Variants in MSL2 observed in about 807,000 individuals in gnomAD.
MSL2 encodes the protein MSL complex subunit 2, also known as E3 ubiquitin-protein ligase MSL2.
In MSL2, 2 loss-of-function variants were observed where a neutral mutation model predicts 35.8. The observed-to-expected ratio is 0.06, with a 90% confidence interval of 0.02 to 0.18. The LOEUF is 0.18. Ranked by LOEUF, MSL2 falls within the 10% of genes least tolerant of loss-of-function variation. The pLI is 1.00. For synonymous variants in MSL2, 296 were observed against 255.7 expected, an observed-to-expected ratio of 1.16 and a Z score of -1.50; for missense variants, 523 against 706.7, an observed-to-expected ratio of 0.74 and a Z score of 2.95.
chr3:136,168,734 T>A (rs765132519), intron 1 of MSL2, among the ~76,000 whole-genome samples: 8 of 151,710 alleles, frequency 5.3e-5, no homozygotes, highest in Non-Finnish European at 1.0e-4. Flanking sequence ...TGCACATGTA[T>A]CCCAGAACTT....
intron 1 of MSL2, among the ~76,000 whole-genome samples, chr3:136,185,879 A>C (rs1026378061): frequency 2.6e-5 from 4 of 151,924 alleles, no homozygotes; most frequent in African/African-American, 9.7e-5. Flanking sequence ...AGGCTTTCTG[A>C]ATTATTCCAG....
chr3:136,176,166 T>C (rs1042210140), intron 1 of MSL2, among the ~76,000 whole-genome samples: 14 of 152,208 alleles, frequency 9.2e-5, no homozygotes, highest in African/African-American at 3.4e-4. Flanking sequence ...CTATATTCTT[T>C]GCCCAATATA....
At chr3:136,193,465 A>AC (rs1940746931) in intron 1 of MSL2, among the ~76,000 whole-genome samples, 1 of 151,508 alleles carries the variant, frequency 6.6e-6, no homozygotes, top group African/African-American at 2.4e-5. Flanking sequence ...CCCCTACCTC[A>AC]CCATAGTAGC....
At chr3:136,172,461 T>A (rs1000350189) in intron 1 of MSL2, among the ~76,000 whole-genome samples, 2 of 152,132 alleles carry the variant, frequency 1.3e-5, no homozygotes, top group African/African-American at 2.4e-5. Context: ...CCCATCCAGT[T>A]ATTCCCTATG....
chr3:136,162,896 G>A (rs892057251), intron 1 of MSL2, among the ~76,000 whole-genome samples: 5 of 150,904 alleles, frequency 3.3e-5, no homozygotes, highest in African/African-American at 1.2e-4. Flanking sequence ...TGGCGGCAGT[G>A]TTGATAATAA....
At chr3:136,169,458 GT>G (rs944585478) in intron 1 of MSL2, among the ~76,000 whole-genome samples, 2 of 151,544 alleles carry the variant, frequency 1.3e-5, no homozygotes, top group Non-Finnish European at 1.5e-5. Context: ...TGTTTTTTGT[GT>G]TTTTTTTGAG....
Position 136,180,792 on chromosome 3 carries a change from G to GGAA in MSL2, c.142+14179_142+14180insTTC, listed in dbSNP as rs1559969215. 7.6e-3 allele frequency among the ~76,000 whole-genome samples: 286 copies of GGAA among 37,728 alleles called. 8 individuals carry two copies. The highest frequency in any genetic ancestry group is 0.013 in the Admixed American group (53 of 4,158). The allele number at this position is 37,728 out of a possible 152,430, so 24.8% of individuals were successfully genotyped here. A position where few individuals can be genotyped will look rare whatever the true frequency, so the allele number is the denominator to read the frequency against. On this transcript the variant is annotated intron_variant, in intron 1 of 1. Transcript: ENST00000309993. ...AGGGAGGGAGGGAGGGAGGGAGGGA[G>GGAA]GGAGGGAGGGAGGGAGGGAAGGAGG...
At chr3:136,180,760 A>AAGAGGGAG (rs1940318725) in intron 1 of MSL2, among the ~76,000 whole-genome samples, 1 of 41,602 alleles carries the variant, frequency 2.4e-5, no homozygotes, top group African/African-American at 8.6e-5. Flanking sequence ...GAAGGAGGGA[A>AAGAGGGAG]GGAGGGAGGG....
At position 136,151,405 on chromosome 3, in the gene MSL2, A is replaced by G; in HGVS notation, c.1476T>C (p.Asp492=). The change falls in exon 2 of 2, where the codon GAT becomes GAC. Residue 492 remains aspartate (D), a synonymous_variant. Transcript: ENST00000309993. The surrounding 1 kb of genome is among the most constrained non-coding windows in gnomAD (Gnocchi z 5.2). ...AGTTTTGGCAGCCACGACATATACA[A>G]TCTAAGCAGGCTTTGCGGTTAGAGT... ...PCYSNRKACL[D]CICRGCQNSY... 6.2e-7 allele frequency: 1 copy of G among 1,614,142 alleles called. No homozygotes were observed.
chr3:136,172,792 A>C (rs1450588422), intron 1 of MSL2, among the ~76,000 whole-genome samples: 1 of 152,144 alleles, frequency 6.6e-6, no homozygotes, highest in Non-Finnish European at 1.5e-5. Flanking sequence ...AAAAAGTACA[A>C]ATTGTTGTTC....
Position 136,158,979 on chromosome 3 carries a change from T to C in MSL2, c.143-6241A>G, listed in dbSNP as rs1939614009. Among the ~76,000 whole-genome samples, 4 of 152,198 alleles carry C rather than the reference T, an allele frequency of 2.6e-5. No homozygotes were observed. In the South Asian group the frequency reaches 8.3e-4, roughly 32 times the overall value. On this transcript the variant is annotated intron_variant, in intron 1 of 1. Transcript: ENST00000309993. The stretch of plus-strand genomic sequence containing the variant: ...GTATCTAAACAGACATGTTCATGGA[T>C]TAGAAGACTACCAATATATTGTCAA...
rs551452514 is a variant in MSL2, at chr3:136,177,082, T to C, written c.142+17890A>G. Among the ~76,000 whole-genome samples, 17 of 152,284 alleles carry C rather than the reference T, an allele frequency of 1.1e-4. No individual in the cohort carries two copies. In the East Asian group the frequency reaches 3.3e-3, roughly 29 times the overall value. ...GAGCAGCACTTAAAACCTGTTACTG[T>C]AAACCTCCACCCACTTTATTTTAGT... On this transcript the variant is annotated intron_variant, in intron 1 of 1. Transcript: ENST00000309993.
rs1355019944 is a variant in MSL2, at chr3:136,195,625, C to G, written c.-512G>C. ...GCGGAGGCGGCGGCGACGGCAAGGA[C>G]GACGGTCGGGCAGCGGCTTCCCGGA... is the stretch of plus-strand genomic sequence containing the variant. On this transcript the variant is annotated 5_prime_UTR_variant, in exon 1 of 2. Coordinates refer to ENST00000309993, the MANE Select transcript of MSL2 (RefSeq NM_018133.4). 4 of 980,584 alleles carry G rather than the reference C, an allele frequency of 4.1e-6. No homozygotes were observed. In the African/African-American group the frequency reaches 7.0e-5, roughly 17 times the overall value. The allele number at this position is 980,584 out of a possible 1,614,324, so 60.7% of individuals were successfully genotyped here. A position where few individuals can be genotyped will look rare whatever the true frequency, so the allele number is the denominator to read the frequency against.
chr3:136,159,192 TATAAAGCCATAGTA>T (rs928171405), intron 1 of MSL2, among the ~76,000 whole-genome samples: 1 of 152,114 alleles, frequency 6.6e-6, no homozygotes, highest in Non-Finnish European at 1.5e-5. Context: ...CAAATTTTAC[TATAAAGCCATAGTA>T]ATCAAGACAG....
chr3:136,191,407 G>A (rs923481999), intron 1 of MSL2, among the ~76,000 whole-genome samples: 1 of 150,258 alleles, frequency 6.7e-6, no homozygotes, highest in African/African-American at 2.5e-5. Context: ...GGTAGAGGTT[G>A]CAGTGAGCCG....
intron 1 of MSL2, chr3:136,155,601 G>A (rs1448236084): frequency 5.9e-6 from 2 of 341,186 alleles, no homozygotes; most frequent in Non-Finnish European, 6.1e-6. Flanking sequence ...ACCCCAAGAG[G>A]AGCCTGCTTT....
intron 1 of MSL2, among the ~76,000 whole-genome samples, chr3:136,183,372 G>C (rs985772142): frequency 6.6e-6 from 1 of 152,138 alleles, no homozygotes. Context: ...ACCAGTCTGG[G>C]AAACACAGGG....
chr3:136,161,019 G>A (rs1438990352), intron 1 of MSL2, among the ~76,000 whole-genome samples: 4 of 152,008 alleles, frequency 2.6e-5, no homozygotes, highest in South Asian at 4.2e-4. Context: ...CCCGGGAGGC[G>A]GAGGTTGCAG....
chr3:136,148,990 T>C lies in MSL2; in HGVS notation c.*2157A>G, dbSNP rs1366455973. On this transcript the variant is annotated 3_prime_UTR_variant, in exon 2 of 2. Coordinates refer to ENST00000309993, the MANE Select transcript of MSL2 (RefSeq NM_018133.4). ...GTTTCCAAAAATGTGGCAGTGAGAA[T>C]ACCAGCATAAAAAAGAGAAACTTGT... 1.3e-5 allele frequency: 2 copies of C among 152,384 alleles called. No individual in the cohort carries two copies. Among genetic ancestry groups the C allele is most frequent in the African/African-American group, 4.8e-5 (2 of 41,378 alleles). 9.4% of individuals were successfully genotyped at this position (152,384 alleles called of 1,614,324 possible).
Sources: allele counts gnomAD v4.1 joint callset (sites outside exome capture counted in the v4.1 genomes callset), GRCh38; gene constraint gnomAD v4.1.1; non-coding constraint Gnocchi (gnomAD v3.1); transcripts MANE v1.5; gene names NCBI Gene and HGNC (gene_info 2026-07-23, HGNC 2026-07-21).